The following LARS2 variants were observed in gnomAD, a reference collection of about 807,000 sequenced individuals.
The protein encoded by LARS2 is leucine--tRNA ligase, mitochondrial.
In LARS2, 81 loss-of-function variants were observed where a neutral mutation model predicts 116.6. That is an observed-to-expected ratio of 0.69 (90% confidence interval 0.58 to 0.84). The LOEUF (loss-of-function observed/expected upper bound fraction) is 0.84. Ranked by LOEUF, LARS2 falls within the 40% of genes least tolerant of loss-of-function variation. The pLI is 0.00. For missense variants in LARS2, 968 were observed against 1,114.5 expected (o/e 0.87, Z 1.87); for synonymous variants, 396 against 407.2 (o/e 0.97, Z 0.33).
intron 4 of LARS2, among the ~76,000 whole-genome samples, chr3:45,402,074 C>T (rs1698163513): frequency 6.6e-6 from 1 of 152,170 alleles, no homozygotes; most frequent in Admixed American, 6.5e-5. Context: ...ATTCAAATTC[C>T]AGCTCTTAAT....
intron 21 of LARS2, among the ~76,000 whole-genome samples, chr3:45,545,646 C>T (rs781384291): frequency 6.6e-5 from 10 of 152,182 alleles, no homozygotes; most frequent in East Asian, 1.9e-4. Context: ...ACTCAGAGCA[C>T]GATGGCCACA....
intron 4 of LARS2, among the ~76,000 whole-genome samples, chr3:45,415,886 G>C: frequency 1.0e-5 from 1 of 100,030 alleles, no homozygotes; most frequent in Non-Finnish European, 1.7e-5. Context: ...TAGAGAGAGA[G>C]AGAGAGGGAG....
chr3:45,523,985 C>G lies in LARS2; in HGVS notation c.2293-12C>G. 6.3e-7 allele frequency: 1 copy of G among 1,599,936 alleles called. No individual in the cohort carries two copies. Among genetic ancestry groups the G allele is most frequent in the African/African-American group, 1.3e-5 (1 of 74,164 alleles). Reference sequence around the variant, plus strand: ...CACCTCAGTCTTCTTACTTTTTTTTCCTCTTCCTTAGCAAGCCTCTCAGAG... The same window carrying G: ...CACCTCAGTCTTCTTACTTTTTTTTGCTCTTCCTTAGCAAGCCTCTCAGAG... On this transcript the variant is annotated splice_polypyrimidine_tract_variant and intron_variant, in intron 19 of 21. Transcript: ENST00000645846.
chr3:45,443,422 A>T (rs950489454), intron 6 of LARS2, among the ~76,000 whole-genome samples: 1 of 152,212 alleles, frequency 6.6e-6, no homozygotes, highest in Non-Finnish European at 1.5e-5. Flanking sequence ...AGAGGGCTCT[A>T]TGACTTTCAG....
Position 45,501,249 on chromosome 3 carries a change from C to T in LARS2, c.1760+670C>T, listed in dbSNP as rs1241599854. ...TACCTTAGAATCCCCAAGGTGCCCC[C>T]TCCAATTGTGTATCGCTCTTCTACG... On this transcript the variant is annotated intron_variant, in intron 15 of 21. Coordinates refer to ENST00000645846, the MANE Select transcript of LARS2 (RefSeq NM_015340.4). 2.0e-5 allele frequency among the ~76,000 whole-genome samples: 3 copies of T among 149,830 alleles called. No individual in the cohort carries two copies. In the Admixed American group the frequency reaches 2.0e-4, roughly 10 times the overall value.
At chr3:45,499,349 C>T (rs1034843212) in intron 14 of LARS2, among the ~76,000 whole-genome samples, 2 of 152,024 alleles carry the variant, frequency 1.3e-5, no homozygotes, top group South Asian at 4.2e-4. Context: ...GGCTGAGGCA[C>T]AAGAATAGCT....
In LARS2 at chr3:45,422,134, C is replaced by T. The variant is rs1006782572; in HGVS notation, c.516+2405C>T. 11 of 152,214 alleles carry T rather than the reference C, an allele frequency of 7.2e-5. No homozygotes were observed. The East Asian group carries it at 2.1e-3, about 29-fold the overall frequency. The allele number at this position is 152,214 out of a possible 1,614,324, so 9.4% of individuals were successfully genotyped here. On this transcript the variant is annotated intron_variant, in intron 6 of 21. Transcript: ENST00000645846. Reference sequence around the variant, plus strand: ...ATTTTGGTATTTATTGCCAAATTACCCTCCATAAAGGCTATACAAATTTCC... The same window carrying T: ...ATTTTGGTATTTATTGCCAAATTACTCTCCATAAAGGCTATACAAATTTCC...
At position 45,547,588 on chromosome 3, in the gene LARS2, G is replaced by A; in HGVS notation, c.*58G>A. ...CTGAGGAACCTCCTTCCAGGCCTGG[G>A]ATGAGGGGGCGATGTCTGCTGGCCC... On this transcript the variant is annotated 3_prime_UTR_variant, in exon 22 of 22. Coordinates refer to ENST00000645846, the MANE Select transcript of LARS2 (RefSeq NM_015340.4). 6.9e-7 allele frequency: 1 copy of A among 1,456,488 alleles called. No individual in the cohort carries two copies. Among genetic ancestry groups the A allele is most frequent in the Non-Finnish European group, 9.4e-7 (1 of 1,068,432 alleles). The allele number at this position is 1,456,488 out of a possible 1,614,324, so 90.2% of individuals were successfully genotyped here. A position where few individuals can be genotyped will look rare whatever the true frequency, so the allele number is the denominator to read the frequency against.
At chr3:45,497,252 CA>C (rs1353362840) in intron 14 of LARS2, among the ~76,000 whole-genome samples, 1 of 151,850 alleles carries the variant, frequency 6.6e-6, no homozygotes, top group African/African-American at 2.4e-5. Context: ...CTTTCAGTAC[CA>C]TTTTGATTTT....
At chr3:45,467,617 C>A (rs1028596319) in intron 8 of LARS2, among the ~76,000 whole-genome samples, 29 of 152,062 alleles carry the variant, frequency 1.9e-4, no homozygotes, top group African/African-American at 7.0e-4. Flanking sequence ...TGTAAGATAC[C>A]ACTGATTGTA....
intron 1 of LARS2, among the ~76,000 whole-genome samples, chr3:45,390,994 CAA>C (rs1004707775): frequency 1.3e-5 from 2 of 152,180 alleles, no homozygotes; most frequent in Non-Finnish European, 2.9e-5. Flanking sequence ...CACATGAGCT[CAA>C]GAGTAGAAAC....
At chr3:45,499,857 C>T (rs996006319) in intron 14 of LARS2, among the ~76,000 whole-genome samples, 1 of 152,110 alleles carries the variant, frequency 6.6e-6, no homozygotes, top group Non-Finnish European at 1.5e-5. Context: ...ATTTTATATG[C>T]AAATTGCTTT....
At chr3:45,423,628 A>T (rs192740224) in intron 6 of LARS2, among the ~76,000 whole-genome samples, 75 of 152,222 alleles carry the variant, frequency 4.9e-4, no homozygotes, top group African/African-American at 1.8e-3. Context: ...ATTATATTTG[A>T]TATTCACTTC....
chr3:45,436,619 C>A (rs929107172), intron 6 of LARS2, among the ~76,000 whole-genome samples: 8 of 151,416 alleles, frequency 5.3e-5, no homozygotes. Context: ...AAGGTGAAAC[C>A]CCGTCTCTAC....
At chr3:45,422,377 T>C (rs1042032149) in intron 6 of LARS2, 1 of 152,196 alleles carries the variant, frequency 6.6e-6, no homozygotes, top group Admixed American at 6.5e-5. Context: ...TTGCATTTTG[T>C]TTATAGTTGA....
chr3:45,471,602 C>G (rs1348110369), intron 8 of LARS2, among the ~76,000 whole-genome samples: 1 of 152,162 alleles, frequency 6.6e-6, no homozygotes, highest in Non-Finnish European at 1.5e-5. Context: ...AAAGTGCTAT[C>G]AGAATTGGAC....
intron 10 of LARS2, chr3:45,483,837 C>T (rs973091116): frequency 1.3e-5 from 2 of 152,130 alleles, no homozygotes; most frequent in Non-Finnish European, 2.9e-5. Context: ...TCTGTGCTTC[C>T]TGACACCCAA....
intron 6 of LARS2, among the ~76,000 whole-genome samples, chr3:45,444,272 C>T (rs1224638951): frequency 6.6e-6 from 1 of 150,678 alleles, no homozygotes; most frequent in African/African-American, 2.4e-5. Flanking sequence ...CTCAGCCTCC[C>T]AAAGTGCTGG....
chr3:45,515,436 A>G (rs1700357437), intron 16 of LARS2, among the ~76,000 whole-genome samples: 1 of 152,344 alleles, frequency 6.6e-6, no homozygotes, highest in African/African-American at 2.4e-5. Context: ...TAGCCTTGCC[A>G]GGTGCTCTTA....
Sources: allele counts gnomAD v4.1 joint callset (sites outside exome capture counted in the v4.1 genomes callset), GRCh38; gene constraint gnomAD v4.1.1; transcripts MANE v1.5; gene names NCBI Gene and HGNC (gene_info 2026-07-23, HGNC 2026-07-21).